FAR2: variants seen among roughly 807,000 people sequenced by gnomAD.
FAR2 encodes the protein fatty acyl-CoA reductase 2.
A neutral mutation model predicts 56.0 loss-of-function variants in FAR2; 19 were observed. The observed-to-expected ratio is 0.34, with a 90% CI of 0.24 to 0.50. FAR2 has a LOEUF of 0.50. Ranked by LOEUF, FAR2 falls within the 20% of genes least tolerant of loss-of-function variation. The probability of loss-of-function intolerance (pLI) is 0.98; values close to 1 mark genes in which losing one functional copy is unlikely to be tolerated. For synonymous variants in FAR2, 219 were observed against 218.8 expected (o/e 1.00, Z -0.01); for missense variants, 508 against 642.2 (o/e 0.79, Z 2.26).
chr12:29,212,077 A>G (rs1293085172), intron 1 of FAR2, among the ~76,000 whole-genome samples: 1 of 151,842 alleles, frequency 6.6e-6, no homozygotes, highest in Non-Finnish European at 1.5e-5. Context: ...GTCTCAAAAT[A>G]AATAAATAAA....
At chr12:29,204,376 C>T (rs1423750672) in intron 1 of FAR2, among the ~76,000 whole-genome samples, 2 of 152,030 alleles carry the variant, frequency 1.3e-5, no homozygotes, top group Non-Finnish European at 2.9e-5. Flanking sequence ...GCCAAATTGC[C>T]ATAGGGAAGA....
chr12:29,263,069 G>GAC (rs1198987025), intron 1 of FAR2, among the ~76,000 whole-genome samples: 33 of 152,238 alleles, frequency 2.2e-4, no homozygotes, highest in African/African-American at 7.5e-4. Context: ...ATTATATAAT[G>GAC]ATAAAGATGT....
At chr12:29,161,974 A>G (rs1949785393) in intron 1 of FAR2, among the ~76,000 whole-genome samples, 1 of 152,118 alleles carries the variant, frequency 6.6e-6, no homozygotes, top group Non-Finnish European at 1.5e-5. Context: ...TGGGTTATCT[A>G]TCTTTTTCAT....
intron 1 of FAR2, among the ~76,000 whole-genome samples, chr12:29,188,268 T>A (rs1950063373): frequency 6.6e-6 from 1 of 152,194 alleles, no homozygotes; most frequent in Admixed American, 6.5e-5. Flanking sequence ...TTTAGTGAGG[T>A]CCATAAAACC....
intron 9 of FAR2, among the ~76,000 whole-genome samples, chr12:29,319,779 A>G (rs1432680944): frequency 6.6e-6 from 1 of 152,162 alleles, no homozygotes; most frequent in Non-Finnish European, 1.5e-5. Context: ...ATCGTAACCT[A>G]TTTTATATAG....
intron 1 of FAR2, among the ~76,000 whole-genome samples, chr12:29,262,941 A>G (rs1043974537): frequency 4.6e-5 from 7 of 152,198 alleles, no homozygotes; most frequent in African/African-American, 1.7e-4. Context: ...ACTGAAAATA[A>G]AGGGATGGAA....
intron 2 of FAR2, among the ~76,000 whole-genome samples, chr12:29,272,015 CT>C (rs1948626810): frequency 6.6e-6 from 1 of 152,188 alleles, no homozygotes; most frequent in African/African-American, 2.4e-5. Flanking sequence ...TCTTAAAAGG[CT>C]GATATGACAT....
At chr12:29,157,469 G>A (rs777489290) in intron 1 of FAR2, among the ~76,000 whole-genome samples, 12 of 152,024 alleles carry the variant, frequency 7.9e-5, no homozygotes, top group Non-Finnish European at 1.2e-4. Flanking sequence ...GGAAGAGAAA[G>A]CAAACACTCC....
chr12:29,231,680 T>C (rs1379774331), intron 1 of FAR2, among the ~76,000 whole-genome samples: 1 of 152,176 alleles, frequency 6.6e-6, no homozygotes, highest in Non-Finnish European at 1.5e-5. Context: ...CAAATGTAAG[T>C]GGGGGCATAA....
At chr12:29,214,498 T>C (rs1033838704) in intron 1 of FAR2, among the ~76,000 whole-genome samples, 1 of 152,096 alleles carries the variant, frequency 6.6e-6, no homozygotes, top group Non-Finnish European at 1.5e-5. Context: ...AACATGAACC[T>C]AGAACACAAG....
intron 1 of FAR2, among the ~76,000 whole-genome samples, chr12:29,175,890 C>T (rs765430775): frequency 6.6e-6 from 1 of 152,202 alleles, no homozygotes; most frequent in Non-Finnish European, 1.5e-5. Flanking sequence ...TTCTTCAAGT[C>T]CCCACTCGAC....
At chr12:29,231,442 A>C (rs1947856849) in intron 1 of FAR2, among the ~76,000 whole-genome samples, 1 of 152,232 alleles carries the variant, frequency 6.6e-6, no homozygotes, top group African/African-American at 2.4e-5. Context: ...GGGAAAGGTC[A>C]TAAGATTAAG....
chr12:29,306,106 C>T (rs1355024601), intron 4 of FAR2, among the ~76,000 whole-genome samples: 1 of 151,876 alleles, frequency 6.6e-6, no homozygotes, highest in Non-Finnish European at 1.5e-5. Flanking sequence ...CACTGTTGAC[C>T]CACCAAATGA....
chr12:29,153,394 G>C (rs781310404), intron 1 of FAR2, among the ~76,000 whole-genome samples: 54 of 152,172 alleles, frequency 3.5e-4, no homozygotes, highest in Non-Finnish European at 6.2e-4. Flanking sequence ...TTGCAAATGG[G>C]AAGGTCTTAA....
At chr12:29,152,704 C>T (rs1949691061) in intron 1 of FAR2, among the ~76,000 whole-genome samples, 1 of 152,080 alleles carries the variant, frequency 6.6e-6, no homozygotes, top group Non-Finnish European at 1.5e-5. Context: ...ATTAGTAAGA[C>T]AAATATGTCA....
intron 9 of FAR2, among the ~76,000 whole-genome samples, chr12:29,319,246 C>T (rs967614167): frequency 9.9e-5 from 15 of 152,162 alleles, no homozygotes; most frequent in Non-Finnish European, 1.5e-5. Context: ...CCGCCTCGGC[C>T]TCCCAAAGTG....
chr12:29,198,653 AT>A (rs1213446998), intron 1 of FAR2, among the ~76,000 whole-genome samples: 3 of 151,984 alleles, frequency 2.0e-5, no homozygotes, highest in African/African-American at 4.8e-5. Flanking sequence ...CCTTTTGAAC[AT>A]TTTTTTAAAA....
intron 1 of FAR2, among the ~76,000 whole-genome samples, chr12:29,211,861 C>T (rs1947553652): frequency 6.7e-6 from 1 of 148,916 alleles, no homozygotes; most frequent in Non-Finnish European, 1.5e-5. Context: ...GCAGAGTGGA[C>T]TCCTAATCTA....
intron 6 of FAR2, 32 bp from the exon 7 acceptor site, chr12:29,310,996 G>T: frequency 6.6e-7 from 1 of 1,523,756 alleles, no homozygotes; most frequent in Non-Finnish European, 9.1e-7. Context: ...TTAAGACCTG[G>T]TTTAATATTT....
Sources: allele counts gnomAD v4.1 joint callset (sites outside exome capture counted in the v4.1 genomes callset), GRCh38; gene constraint gnomAD v4.1.1; transcripts MANE v1.5; gene names NCBI Gene and HGNC (gene_info 2026-07-23, HGNC 2026-07-21).